TOPAZ1: variants seen among roughly 807,000 people sequenced by gnomAD.
TOPAZ1 encodes protein TOPAZ1.
TOPAZ1 carries 66 observed loss-of-function variants against 172.2 expected under a neutral mutation model. That is an observed-to-expected ratio of 0.38 (90% CI 0.31 to 0.47). The LOEUF is 0.47. Among genes scored for constraint, TOPAZ1 ranks in the 20% least tolerant of loss-of-function variants. The pLI, the probability that TOPAZ1 is intolerant of heterozygous loss-of-function variation, is 0.99. For synonymous variants in TOPAZ1, 681 were observed against 683.9 expected (o/e 1.00, Z 0.07); for missense variants, 1,822 against 1,972.4 (o/e 0.92, Z 1.44).
intron 3 of TOPAZ1, among the ~76,000 whole-genome samples, chr3:44,255,232 T>G (rs1699683510): frequency 6.6e-6 from 1 of 152,262 alleles, no homozygotes; most frequent in Non-Finnish European, 1.5e-5. Flanking sequence ...GATTATTTAA[T>G]AAATAACTTT....
chr3:44,316,377 T>C (rs1433763200), intron 16 of TOPAZ1, among the ~76,000 whole-genome samples: 5 of 152,208 alleles, frequency 3.3e-5, no homozygotes, highest in African/African-American at 1.2e-4. Flanking sequence ...TAAAATACAA[T>C]TATTAAAATT....
At chr3:44,329,426 T>C (rs1441394245) in intron 19 of TOPAZ1, among the ~76,000 whole-genome samples, 1 of 152,130 alleles carries the variant, frequency 6.6e-6, no homozygotes, top group Non-Finnish European at 1.5e-5. Flanking sequence ...TCTCCATAGG[T>C]TGGTTAAGTG....
Position 44,287,781 on chromosome 3 carries a change from A to C in TOPAZ1, c.3623A>C (p.Tyr1208Ser). The C allele has an allele frequency of 6.6e-7, 1 of 1,510,456 alleles. No individual in the cohort carries two copies. The highest frequency in any genetic ancestry group is 2.5e-5 in the East Asian group (1 of 39,772). 93.6% of individuals were successfully genotyped at this position (1,510,456 alleles called of 1,614,324 possible). The change falls in exon 11 of 20, where the codon TAT becomes TCT. Residue 1208 changes from tyrosine (Y) to serine (S), a missense_variant. Transcript: ENST00000309765. The part of the protein sequence containing the change: ...SLKILLNIFE[Y>S]VATMKLRNAV... ...AAAATATTACTAAACATATTTGAGT[A>C]TGTGGCAACTATGAAATTAAGGAAT...
At chr3:44,277,242 A>G (rs1462521722) in intron 8 of TOPAZ1, among the ~76,000 whole-genome samples, 1 of 151,952 alleles carries the variant, frequency 6.6e-6, no homozygotes, top group Non-Finnish European at 1.5e-5. Context: ...ATTCCTAAGT[A>G]TTTTTTTGTA....
chr3:44,243,447 A>G lies in TOPAZ1; in HGVS notation c.941A>G (p.His314Arg), dbSNP rs557024869. The change falls in exon 2 of 20, where the codon CAT becomes CGT. Residue 314 changes from histidine (H) to arginine (R), a missense_variant. Transcript: ENST00000309765. ...KTNGLLSCLQHEKNKYSIEES... is the reference protein window; with the variant it reads ...KTNGLLSCLQREKNKYSIEES... ...AATGGCTTGCTTTCCTGCCTTCAAC[A>G]TGAAAAAAATAAATATTCAATAGAG... is the stretch of plus-strand genomic sequence containing the variant. 223 of 1,551,672 alleles carry G rather than the reference A, an allele frequency of 1.4e-4. No individual in the cohort carries two copies. The highest frequency in any genetic ancestry group is 1.2e-3 in the South Asian group (97 of 83,990).
chr3:44,260,558 G>A (rs948196001), intron 4 of TOPAZ1, among the ~76,000 whole-genome samples: 4 of 151,942 alleles, frequency 2.6e-5, no homozygotes, highest in Admixed American at 1.3e-4. Context: ...TATCTTAGGG[G>A]AAGGAATATA....
At chr3:44,323,367 TA>T (rs1700562609) in intron 18 of TOPAZ1, 72 bp downstream of exon 18, 1 of 906,516 alleles carries the variant, frequency 1.1e-6, no homozygotes, top group African/African-American at 1.7e-5. Context: ...TTATAATATA[TA>T]AGATTAGATA....
chr3:44,302,969 C>T lies in TOPAZ1; in HGVS notation c.3798-1046C>T, dbSNP rs115311600. 8.9e-3 allele frequency among the ~76,000 whole-genome samples: 1,350 copies of T among 152,100 alleles called. 20 individuals carry two copies. The highest frequency in any genetic ancestry group is 0.031 in the African/African-American group (1,300 of 41,482). ...GTGATCCTCCCACCTCAGTCTCCCA[C>T]GTAGCTGGTACTACAGGTGCATGCC... On this transcript the variant is annotated intron_variant, in intron 12 of 19. Coordinates refer to ENST00000309765, the MANE Select transcript of TOPAZ1 (RefSeq NM_001145030.2).
chr3:44,267,788 T>G (rs779207131), intron 6 of TOPAZ1, among the ~76,000 whole-genome samples: 1 of 152,186 alleles, frequency 6.6e-6, no homozygotes, highest in Non-Finnish European at 1.5e-5. Context: ...GAATTTAGAA[T>G]CTGTAAAATC....
In TOPAZ1 at chr3:44,321,195, T is replaced by C; in HGVS notation, c.4471+4T>C. ...CCAGGTTTTCAAAATTCCCAAGGTA[T>C]GTTTTTTAAAAGTCTATCTTAATTA... On this transcript the variant is annotated splice_donor_region_variant and intron_variant, in intron 17 of 19. Coordinates refer to ENST00000309765, the MANE Select transcript of TOPAZ1 (RefSeq NM_001145030.2). 6.5e-7 allele frequency: 1 copy of C among 1,536,892 alleles called. No homozygotes were observed. Among genetic ancestry groups the C allele is most frequent in the Non-Finnish European group, 8.8e-7 (1 of 1,141,878 alleles).
At chr3:44,267,261 TA>T in intron 6 of TOPAZ1, 125 bp downstream of exon 6, 2 of 773,130 alleles carry the variant, frequency 2.6e-6, no homozygotes, top group Non-Finnish European at 3.8e-6. Context: ...ATGTTAAAAT[TA>T]GAAGGTTTGT....
chr3:44,299,696 C>T (rs1213624976), intron 12 of TOPAZ1, among the ~76,000 whole-genome samples: 6 of 151,622 alleles, frequency 4.0e-5, no homozygotes, highest in Admixed American at 6.6e-5. Flanking sequence ...AGACTTGGAA[C>T]CAACCCAAAT....
chr3:44,318,936 C>T (rs771577177), intron 16 of TOPAZ1, among the ~76,000 whole-genome samples: 5 of 151,330 alleles, frequency 3.3e-5, no homozygotes, highest in Admixed American at 3.3e-4. Context: ...ACAAACTGAT[C>T]GGCTGACAAA....
intron 14 of TOPAZ1, 112 bp downstream of exon 14, chr3:44,305,433 G>T (rs1454188089): frequency 4.5e-6 from 4 of 885,688 alleles, no homozygotes; most frequent in Non-Finnish European, 6.4e-6. Flanking sequence ...ACAGGGGTGC[G>T]GTCATAGCTC....
chr3:44,242,188 A>G lies in TOPAZ1; in HGVS notation c.135A>G (p.Glu45=). Residue 45 remains glutamate (E), a synonymous_variant, in exon 1 of 20, where the codon GAA becomes GAG. Transcript: ENST00000309765. ...GCCCTGAGGCCGGGGGGTGCCGGGA[A>G]AATAAGCAAAAGAGGAGAATGGTGG... ...GCGPEAGGCR[E]NKQKRRMVAR... The G allele has an allele frequency of 6.5e-7, 1 of 1,542,778 alleles. No individual in the cohort carries two copies. Among genetic ancestry groups the G allele is most frequent in the Non-Finnish European group, 8.7e-7 (1 of 1,144,550 alleles).
At chr3:44,252,104 A>T (rs753494515) in intron 2 of TOPAZ1, among the ~76,000 whole-genome samples, 2 of 152,160 alleles carry the variant, frequency 1.3e-5, no homozygotes, top group Admixed American at 6.5e-5. Context: ...TCCCATACCT[A>T]TATAAATTAT....
At chr3:44,270,608 G>A in intron 7 of TOPAZ1, 77 bp from the exon 8 acceptor site, 1 of 1,044,690 alleles carries the variant, frequency 9.6e-7, no homozygotes. Flanking sequence ...TATTTGTGTT[G>A]CTTCAAATGC....
intron 12 of TOPAZ1, among the ~76,000 whole-genome samples, chr3:44,296,818 C>T (rs997379200): frequency 2.1e-5 from 3 of 145,264 alleles, no homozygotes; most frequent in Non-Finnish European, 4.5e-5. Flanking sequence ...CAGTGTTACC[C>T]AGCCTCCAAA....
intron 15 of TOPAZ1, 140 bp from the exon 16 acceptor site, chr3:44,309,685 A>G (rs1700376678): frequency 3.1e-6 from 2 of 637,428 alleles, no homozygotes; most frequent in East Asian, 5.7e-5. Flanking sequence ...GGGCTTAAGG[A>G]AAGAGTCTTG....
Sources: allele counts gnomAD v4.1 joint callset (sites outside exome capture counted in the v4.1 genomes callset), GRCh38; gene constraint gnomAD v4.1.1; transcripts MANE v1.5; gene names NCBI Gene and HGNC (gene_info 2026-07-23, HGNC 2026-07-21).